The following PDE1C variants were observed in gnomAD, a reference collection of about 807,000 sequenced individuals.
PDE1C encodes dual specificity calcium/calmodulin-dependent 3',5'-cyclic nucleotide phosphodiesterase 1C.
In PDE1C, 62 loss-of-function variants were observed where a neutral mutation model predicts 93.1. The ratio of observed to expected loss-of-function variants is 0.67; its 90% CI spans 0.54 to 0.82. The LOEUF (loss-of-function observed/expected upper bound fraction) is 0.82, where lower values mean the gene tolerates loss of function less well. Among genes scored for constraint, PDE1C ranks in the 40% least tolerant of loss-of-function variants. The pLI is 0.00. For missense variants in PDE1C, 742 were observed against 884.6 expected (o/e 0.84, Z 2.04); for synonymous variants, 325 against 310.1 (o/e 1.05, Z -0.50).
At chr7:31,967,111 G>T (rs1202605347) in intron 2 of PDE1C, among the ~76,000 whole-genome samples, 1 of 152,156 alleles carries the variant, frequency 6.6e-6, no homozygotes, top group African/African-American at 2.4e-5. Flanking sequence ...ACTAAGATCA[G>T]AGCAGAACTG....
At chr7:31,893,411 G>A (rs1798888366) in intron 2 of PDE1C, 1 of 868,354 alleles carries the variant, frequency 1.2e-6, no homozygotes, top group African/African-American at 1.8e-5. Flanking sequence ...CGTGTCAAAA[G>A]CCTAAAGCTT....
At chr7:31,968,394 A>C (rs909142489) in intron 2 of PDE1C, among the ~76,000 whole-genome samples, 1 of 151,958 alleles carries the variant, frequency 6.6e-6, no homozygotes, top group African/African-American at 2.4e-5. Context: ...TAGGAATCCA[A>C]CTTACAAGGG....
At chr7:32,272,893 CA>C (rs1234922514) in intron 1 of PDE1C, among the ~76,000 whole-genome samples, 3 of 152,106 alleles carry the variant, frequency 2.0e-5, no homozygotes, top group African/African-American at 7.2e-5. Context: ...TTGAATGTGA[CA>C]AAGGAAAAGA....
chr7:31,637,203 G>A, the PDE1C span, among the ~76,000 whole-genome samples: 2 of 152,066 alleles, frequency 1.3e-5, no homozygotes. Flanking sequence ...ACATACGTGT[G>A]CATGTGTCTT....
At chr7:31,986,929 AACACACACACAC>A (rs10551724) in intron 2 of PDE1C, among the ~76,000 whole-genome samples, 1 of 149,788 alleles carries the variant, frequency 6.7e-6, no homozygotes, top group Non-Finnish European at 1.5e-5. Context: ...ATTGAACACG[AACACACACACAC>A]ACACACACAC....
At chr7:31,770,817 T>C (rs1338813608) in intron 17 of PDE1C, among the ~76,000 whole-genome samples, 2 of 152,198 alleles carry the variant, frequency 1.3e-5, no homozygotes, top group African/African-American at 4.8e-5. Flanking sequence ...AAGATTTTTA[T>C]GGTTCATGAT....
chr7:31,622,779 G>A, the PDE1C span, among the ~76,000 whole-genome samples: 1 of 152,054 alleles, frequency 6.6e-6, no homozygotes, highest in East Asian at 1.9e-4. Context: ...GAAGGAAATA[G>A]AGACACAAAA....
At chr7:32,286,142 A>C (rs1811984320) in intron 1 of PDE1C, among the ~76,000 whole-genome samples, 1 of 152,218 alleles carries the variant, frequency 6.6e-6, no homozygotes, top group Non-Finnish European at 1.5e-5. Flanking sequence ...TAGCTCTAAG[A>C]ACTTAATACT....
the PDE1C span, among the ~76,000 whole-genome samples, chr7:31,674,302 G>A: frequency 1.3e-5 from 2 of 152,158 alleles, no homozygotes; most frequent in African/African-American, 2.4e-5. Context: ...AATGAATAGA[G>A]AGATAGTTAT....
the PDE1C span, among the ~76,000 whole-genome samples, chr7:31,621,714 C>G: frequency 2.1e-5 from 3 of 144,376 alleles, no homozygotes; most frequent in Non-Finnish European, 4.6e-5. Context: ...AGCAAAATAA[C>G]CAGCTAACAT....
intron 1 of PDE1C, among the ~76,000 whole-genome samples, chr7:32,277,548 TCTAATA>T (rs2128890433): frequency 6.6e-6 from 1 of 152,320 alleles, no homozygotes; most frequent in South Asian, 2.1e-4. Flanking sequence ...TTGATCATAG[TCTAATA>T]CTAGAACCTG....
At chr7:32,426,950 A>G (rs1371477503) in intron 1 of PDE1C, among the ~76,000 whole-genome samples, 4 of 152,184 alleles carry the variant, frequency 2.6e-5, no homozygotes, top group African/African-American at 9.7e-5. Context: ...TATGAGACCA[A>G]AAGTCCAGAG....
At chr7:31,830,807 T>G (rs566642368) in intron 11 of PDE1C, among the ~76,000 whole-genome samples, 3 of 152,192 alleles carry the variant, frequency 2.0e-5, no homozygotes, top group Admixed American at 2.0e-4. Context: ...GCTGGTTTGA[T>G]GTAGACAAGC....
At position 32,400,962 on chromosome 7, in the gene PDE1C, G is replaced by A. The variant is rs553783053; in HGVS notation, c.310+26860C>T. On this transcript the variant is annotated intron_variant, in intron 1 of 1. Transcript: ENST00000672256. ...GAGAACACATCTTCACTTTGCCTAA[G>A]TGGCAAAACATCTTGAGTAAAATGT... Among the ~76,000 whole-genome samples, 3 of 152,312 alleles carry A rather than the reference G, an allele frequency of 2.0e-5. No homozygotes were observed. In the East Asian group the frequency reaches 5.8e-4, roughly 29 times the overall value.
At chr7:31,811,172 G>T (rs1271187481) in intron 15 of PDE1C, among the ~76,000 whole-genome samples, 2 of 152,072 alleles carry the variant, frequency 1.3e-5, no homozygotes, top group Admixed American at 1.3e-4. Flanking sequence ...GTCTCACGAG[G>T]TCTGGTGGCT....
the PDE1C span, among the ~76,000 whole-genome samples, chr7:31,684,132 A>AG: frequency 6.6e-6 from 1 of 152,202 alleles, no homozygotes; most frequent in African/African-American, 2.4e-5. Flanking sequence ...CTGCCTTAAA[A>AG]GGGGGAGGGG....
chr7:32,147,024 T>A (rs1800878046), intron 3 of PDE1C, among the ~76,000 whole-genome samples: 1 of 151,644 alleles, frequency 6.6e-6, no homozygotes, highest in Non-Finnish European at 1.5e-5. Context: ...AAGATGCAAG[T>A]ACAAAGATAT....
At chr7:32,046,146 C>T (rs1792522664) in intron 2 of PDE1C, among the ~76,000 whole-genome samples, 1 of 151,832 alleles carries the variant, frequency 6.6e-6, no homozygotes, top group Non-Finnish European at 1.5e-5. Context: ...ATTATCTGCA[C>T]ATGTCTGTAT....
At chr7:31,645,911 A>G in the PDE1C span, among the ~76,000 whole-genome samples, 1 of 152,020 alleles carries the variant, frequency 6.6e-6, no homozygotes, top group South Asian at 2.1e-4. Flanking sequence ...GAGAATAAAC[A>G]TTTACCCGAT....
Sources: gnomAD v4.1 joint callset for allele counts (sites outside exome capture counted in the v4.1 genomes callset) on GRCh38, gnomAD v4.1.1 for gene constraint, MANE v1.5 for transcripts, NCBI Gene and HGNC (gene_info 2026-07-23, HGNC 2026-07-21) for gene names.